PI4K2A: variants seen among roughly 807,000 people sequenced by gnomAD.
PI4K2A encodes phosphatidylinositol 4-kinase type 2 alpha, also known as phosphatidylinositol 4-kinase type 2-alpha.
In PI4K2A, 20 loss-of-function variants were observed where a neutral mutation model predicts 55.0. The ratio of observed to expected loss-of-function variants is 0.36; its 90% CI spans 0.26 to 0.53. The LOEUF (loss-of-function observed/expected upper bound fraction) is 0.53. Ranked by LOEUF, PI4K2A falls within the 20% of genes least tolerant of loss-of-function variation. The pLI is 0.91. For synonymous variants in PI4K2A, 235 were observed against 258.5 expected, an observed-to-expected ratio of 0.91 and a Z score of 0.87; for missense variants, 463 against 637.1, an observed-to-expected ratio of 0.73 and a Z score of 2.94.
At chr10:97,669,854 A>G (rs1042676507) in intron 8 of PI4K2A, among the ~76,000 whole-genome samples, 1 of 152,178 alleles carries the variant, frequency 6.6e-6, no homozygotes, top group Non-Finnish European at 1.5e-5. Context: ...AAGGCTTCTC[A>G]CCGGGAGTTA....
At chr10:97,643,907 G>A (rs879180212) in intron 1 of PI4K2A, among the ~76,000 whole-genome samples, 8 of 152,006 alleles carry the variant, frequency 5.3e-5, no homozygotes, top group African/African-American at 1.2e-4. Context: ...TATTATCCCC[G>A]CAGGTGACAA....
chr10:97,660,478 TAG>T (rs544037312), intron 4 of PI4K2A, among the ~76,000 whole-genome samples: 39 of 151,102 alleles, frequency 2.6e-4, no homozygotes, highest in African/African-American at 8.8e-4. Flanking sequence ...GTATTTTTAG[TAG>T]AGACAGGGTT....
At chr10:97,675,929 G>C (rs968365341) in exon 9 of PI4K2A, 1 of 152,682 alleles carries the variant, frequency 6.5e-6, no homozygotes, top group African/African-American at 2.4e-5. Flanking sequence ...TCCAGTGTCA[G>C]GGAATGGAGG....
Position 97,673,107 on chromosome 10 carries a change from C to CT in PI4K2A, c.1279-473dup, listed in dbSNP as rs547650325. On this transcript the variant is annotated intron_variant, in intron 8 of 8. Transcript: ENST00000370631. The stretch of plus-strand genomic sequence containing the variant: ...GTTCGAGCAATTCTCCTGCCTCAGC[C>CT]TCCCCAGTAGTTGGGACTACAGGCG... Among the ~76,000 whole-genome samples, 13 of 152,262 alleles carry CT rather than the reference C, an allele frequency of 8.5e-5. No individual in the cohort carries two copies. In the South Asian group the frequency reaches 2.7e-3, roughly 32 times the overall value.
chr10:97,668,430 T>C (rs1166585412), intron 8 of PI4K2A, among the ~76,000 whole-genome samples: 1 of 152,006 alleles, frequency 6.6e-6, no homozygotes, highest in Non-Finnish European at 1.5e-5. Flanking sequence ...ACACAAAAAT[T>C]AGCCATGTGT....
At chr10:97,652,332 G>A (rs1463327638) in intron 2 of PI4K2A, among the ~76,000 whole-genome samples, 1 of 152,102 alleles carries the variant, frequency 6.6e-6, no homozygotes, top group Non-Finnish European at 1.5e-5. Flanking sequence ...GTCTTGCTCT[G>A]TTGCCCAGGC....
intron 1 of PI4K2A, among the ~76,000 whole-genome samples, chr10:97,647,592 T>C (rs1284711591): frequency 2.0e-5 from 3 of 152,210 alleles, no homozygotes; most frequent in African/African-American, 7.2e-5. Flanking sequence ...CACATCGTTC[T>C]CCACAGGCTA....
chr10:97,642,827 C>T (rs1483904081), intron 1 of PI4K2A, among the ~76,000 whole-genome samples: 6,818 of 18,980 alleles, frequency 0.36, 1,291 homozygotes, highest in Non-Finnish European at 0.45. Context: ...TCCTTCCTTC[C>T]TTCCTTCCTT....
chr10:97,666,670 CA>C, intron 7 of PI4K2A, 99 bp downstream of exon 7: 1 of 1,043,576 alleles, frequency 9.6e-7, no homozygotes, highest in Admixed American at 2.4e-5. Flanking sequence ...AAATGGCTAA[CA>C]CCTTTCTGAC....
intron 1 of PI4K2A, among the ~76,000 whole-genome samples, chr10:97,643,516 C>T (rs538326749): frequency 4.6e-5 from 7 of 152,254 alleles, no homozygotes; most frequent in Admixed American, 1.3e-4. Context: ...ACTACCATCT[C>T]AGTACATAGG....
At chr10:97,648,468 C>T (rs537156129) in intron 1 of PI4K2A, among the ~76,000 whole-genome samples, 21 of 152,286 alleles carry the variant, frequency 1.4e-4, no homozygotes, top group African/African-American at 5.1e-4. Context: ...CTGCCTCATC[C>T]TCTGAAAGTG....
At chr10:97,654,204 G>C (rs1277567744) in intron 2 of PI4K2A, among the ~76,000 whole-genome samples, 2 of 152,200 alleles carry the variant, frequency 1.3e-5, no homozygotes, top group African/African-American at 4.8e-5. Flanking sequence ...GGAAAAAGTG[G>C]TTTGTTAGGA....
At chr10:97,672,722 G>GTTTTTTTTTTTTTT (rs201709914) in intron 8 of PI4K2A, among the ~76,000 whole-genome samples, 3 of 94,790 alleles carry the variant, frequency 3.2e-5, no homozygotes, top group Non-Finnish European at 6.0e-5. Context: ...CAGAGGGTCT[G>GTTTTTTTTTTTTTT]TTCTTTTTTT....
intron 1 of PI4K2A, among the ~76,000 whole-genome samples, chr10:97,645,378 G>A (rs1214208739): frequency 6.6e-6 from 1 of 152,136 alleles, no homozygotes; most frequent in Non-Finnish European, 1.5e-5. Flanking sequence ...GGAGGCTGAA[G>A]CGGGCGGATC....
chr10:97,666,599 A>T (rs2041610425), intron 7 of PI4K2A, 28 bp downstream of exon 7: 1 of 1,566,958 alleles, frequency 6.4e-7, no homozygotes. Flanking sequence ...CAGCCCTATT[A>T]TCATATGGGA....
exon 1 of PI4K2A, chr10:97,640,975 C>T: frequency 6.6e-7 from 1 of 1,524,336 alleles, no homozygotes; most frequent in Non-Finnish European, 8.8e-7. Flanking sequence ...CAAACCGTGG[C>T]GGCGCAGGCC....
chr10:97,671,398 G>A (rs1432264738), intron 8 of PI4K2A, among the ~76,000 whole-genome samples: 2 of 152,016 alleles, frequency 1.3e-5, no homozygotes, highest in Non-Finnish European at 2.9e-5. Flanking sequence ...GGTGCAGTGA[G>A]CTATGAATGT....
In PI4K2A at chr10:97,656,782, C is replaced by A; in HGVS notation, c.769-39C>A. 6.2e-7 allele frequency: 1 copy of A among 1,602,604 alleles called. No homozygotes were observed. The highest frequency in any genetic ancestry group is 1.1e-5 in the South Asian group (1 of 90,544). ...TACTCCAAAGGTCTTTGGATTTGGG[C>A]AGTAGGGAAAAACCTTTGTTCCTTC... On this transcript the variant is annotated intron_variant, in intron 3 of 8. Transcript: ENST00000370631. The surrounding 1 kb of genome is among the most constrained non-coding windows in gnomAD (Gnocchi z 4.5).
At chr10:97,644,715 T>C (rs564489157) in intron 1 of PI4K2A, among the ~76,000 whole-genome samples, 21 of 152,368 alleles carry the variant, frequency 1.4e-4, no homozygotes, top group African/African-American at 4.8e-4. Context: ...AGGCACTTCG[T>C]AGAAGTTGTA....
Sources: allele counts gnomAD v4.1 joint callset (sites outside exome capture counted in the v4.1 genomes callset), GRCh38; gene constraint gnomAD v4.1.1; non-coding constraint Gnocchi (gnomAD v3.1); transcripts MANE v1.5; gene names NCBI Gene and HGNC (gene_info 2026-07-23, HGNC 2026-07-21).